The following L3MBTL4 variants were observed in gnomAD, a reference collection of about 807,000 sequenced individuals.
The protein encoded by L3MBTL4 is lethal(3)malignant brain tumor-like protein 4.
L3MBTL4 carries 70 observed loss-of-function variants against 84.5 expected under a neutral mutation model. That is an observed-to-expected ratio of 0.83 (90% CI 0.68 to 1.01). L3MBTL4 has a LOEUF of 1.01. L3MBTL4 is among the 50% of genes least tolerant of loss of function. The pLI, the probability that L3MBTL4 is intolerant of heterozygous loss-of-function variation, is 0.00. For missense variants in L3MBTL4, 715 were observed against 754.8 expected, an observed-to-expected ratio of 0.95 and a Z score of 0.62; for synonymous variants, 274 against 259.8, an observed-to-expected ratio of 1.05 and a Z score of -0.52.
Position 6,243,292 on chromosome 18 carries a change from AC to A in L3MBTL4, c.460+1del. 1 of 1,553,172 alleles carries A rather than the reference AC, an allele frequency of 6.4e-7. No individual in the cohort carries two copies. The highest frequency in any genetic ancestry group is 8.7e-7 in the Non-Finnish European group (1 of 1,151,730). On this transcript the variant is annotated splice_donor_variant, in intron 7 of 18. Transcript: ENST00000317931. LOFTEE classifies it high-confidence loss of function. ...CCAGTTGGTAAATGTATCCTGGCTT[AC>A]CCTTAGGGATGTGCAGTTCATGTTT...
chr18:5,972,403 G>A (rs989541213), intron 16 of L3MBTL4, among the ~76,000 whole-genome samples: 1 of 152,148 alleles, frequency 6.6e-6, no homozygotes, highest in Non-Finnish European at 1.5e-5. Flanking sequence ...GACTGGAGGT[G>A]ACAGTGTCTG....
In L3MBTL4 at chr18:6,009,491, C is replaced by A. The variant is rs369336751; in HGVS notation, c.1445-39929G>T. 2.0e-5 allele frequency among the ~76,000 whole-genome samples: 3 copies of A among 152,226 alleles called. No individual in the cohort carries two copies. In the East Asian group the frequency reaches 5.8e-4, roughly 29 times the overall value. ...CACGGAGAAGTCAAGGTCCTAAAGG[C>A]CAGTTTTAGTACCACTGCCCCTTGG... On this transcript the variant is annotated intron_variant, in intron 16 of 18. Transcript: ENST00000317931.
At position 6,304,289 on chromosome 18, in the gene L3MBTL4, T is replaced by A. The variant is rs533282964; in HGVS notation, c.73-2332A>T. 2.0e-5 allele frequency among the ~76,000 whole-genome samples: 3 copies of A among 152,302 alleles called. No individual in the cohort carries two copies. In the South Asian group the frequency reaches 6.2e-4, roughly 32 times the overall value. ...CCCCAAAACATAGTCTGGTATCTAGTCTAGGTCGACAAATATTTGATGCAT... is the reference window on the plus strand; with the variant it reads ...CCCCAAAACATAGTCTGGTATCTAGACTAGGTCGACAAATATTTGATGCAT... On this transcript the variant is annotated intron_variant, in intron 3 of 18. Transcript: ENST00000317931.
chr18:6,277,956 T>C (rs1288100111), intron 4 of L3MBTL4, among the ~76,000 whole-genome samples: 3 of 152,112 alleles, frequency 2.0e-5, no homozygotes, highest in Non-Finnish European at 4.4e-5. Context: ...TCTGTAAATA[T>C]GCAGCTAAGT....
At position 6,125,235 on chromosome 18, in the gene L3MBTL4, T is replaced by A. The variant is rs372451496; in HGVS notation, c.1199+12959A>T. Among the ~76,000 whole-genome samples the A allele has an allele frequency of 7.2e-5, 11 of 152,210 alleles. No individual in the cohort carries two copies. In the East Asian group the frequency reaches 2.1e-3, roughly 29 times the overall value. ...GAAAGGAAGGTCCCCTCCTTTGTCC[T>A]ACCACTAGTAGCAAGAACACAACAA... On this transcript the variant is annotated intron_variant, in intron 14 of 18. Coordinates refer to ENST00000317931, the MANE Select transcript of L3MBTL4 (RefSeq NM_001330559.2).
intron 4 of L3MBTL4, among the ~76,000 whole-genome samples, chr18:6,280,227 A>T (rs2049266718): frequency 6.6e-6 from 1 of 152,246 alleles, no homozygotes; most frequent in Non-Finnish European, 1.5e-5. Flanking sequence ...ACTGTTTAAA[A>T]GAAAAATCTA....
chr18:6,160,557 C>G (rs1362665491), intron 13 of L3MBTL4, among the ~76,000 whole-genome samples: 4 of 152,014 alleles, frequency 2.6e-5, no homozygotes, highest in Non-Finnish European at 5.9e-5. Flanking sequence ...CATGGTGAAA[C>G]CCAGTCTCTA....
chr18:6,141,121 G>A (rs983585977), intron 13 of L3MBTL4, among the ~76,000 whole-genome samples: 51 of 151,032 alleles, frequency 3.4e-4, no homozygotes, highest in African/African-American at 1.1e-3. Flanking sequence ...AGTATTTACT[G>A]AAACTACATA....
intron 14 of L3MBTL4, among the ~76,000 whole-genome samples, chr18:6,106,434 T>A (rs1372306467): frequency 6.6e-6 from 1 of 152,198 alleles, no homozygotes; most frequent in Admixed American, 6.5e-5. Context: ...TTTTTAAAAT[T>A]TCATTCCCGA....
At chr18:6,303,911 G>T (rs978216286) in intron 3 of L3MBTL4, among the ~76,000 whole-genome samples, 1 of 151,750 alleles carries the variant, frequency 6.6e-6, no homozygotes, top group African/African-American at 2.4e-5. Context: ...CTACTCAGGA[G>T]GCTGAGACAG....
chr18:6,271,096 T>C (rs1358433739), intron 4 of L3MBTL4, among the ~76,000 whole-genome samples: 2 of 152,198 alleles, frequency 1.3e-5, no homozygotes, highest in African/African-American at 4.8e-5. Context: ...AAGTCTCTGT[T>C]AGACCGCAGC....
chr18:6,254,728 G>A (rs1481766247), intron 5 of L3MBTL4, among the ~76,000 whole-genome samples: 1 of 152,084 alleles, frequency 6.6e-6, no homozygotes, highest in Non-Finnish European at 1.5e-5. Flanking sequence ...GTTCTTATTG[G>A]CTTTCTGTGA....
chr18:6,207,781 C>T (rs1360980889), intron 12 of L3MBTL4, among the ~76,000 whole-genome samples: 1 of 152,006 alleles, frequency 6.6e-6, no homozygotes, highest in Non-Finnish European at 1.5e-5. Context: ...TGGTATCTTG[C>T]TCTATCCTCG....
intron 1 of L3MBTL4, among the ~76,000 whole-genome samples, chr18:6,319,367 T>C (rs937764110): frequency 6.6e-6 from 1 of 151,970 alleles, no homozygotes; most frequent in African/African-American, 2.4e-5. Context: ...TGATAGACCA[T>C]TATTAGCTAG....
chr18:6,146,916 T>TG (rs1387022835), intron 13 of L3MBTL4, among the ~76,000 whole-genome samples: 2 of 151,610 alleles, frequency 1.3e-5, no homozygotes, highest in African/African-American at 4.9e-5. Flanking sequence ...AACCTATGTG[T>TG]GCAGATGATG....
intron 16 of L3MBTL4, among the ~76,000 whole-genome samples, chr18:6,062,611 C>T (rs1348060654): frequency 2.6e-5 from 4 of 152,014 alleles, no homozygotes; most frequent in South Asian, 2.1e-4. Context: ...TCCCATTGCA[C>T]GTTTACCCTT....
chr18:6,251,461 C>A (rs563142396), intron 5 of L3MBTL4, among the ~76,000 whole-genome samples: 32 of 152,258 alleles, frequency 2.1e-4, no homozygotes, highest in African/African-American at 7.0e-4. Context: ...TTTAACATTG[C>A]GCCAGATACT....
intron 12 of L3MBTL4, among the ~76,000 whole-genome samples, chr18:6,178,045 A>G (rs2145300650): frequency 6.6e-6 from 1 of 152,194 alleles, no homozygotes; most frequent in African/African-American, 2.4e-5. Context: ...TATTTTAACT[A>G]TTGTGGTGGA....
intron 16 of L3MBTL4, among the ~76,000 whole-genome samples, chr18:5,976,360 C>T (rs1348527842): frequency 6.6e-6 from 1 of 152,164 alleles, no homozygotes; most frequent in Admixed American, 6.5e-5. Flanking sequence ...CCAGTAGAAA[C>T]TTTCAAACTC....
Sources: allele counts gnomAD v4.1 joint callset (sites outside exome capture counted in the v4.1 genomes callset), GRCh38; gene constraint gnomAD v4.1.1; transcripts MANE v1.5; gene names NCBI Gene and HGNC (gene_info 2026-07-23, HGNC 2026-07-21).